The following EPX variants were observed in gnomAD, a reference collection of about 807,000 sequenced individuals.
The protein encoded by EPX is eosinophil peroxidase.
EPX carries 60 observed loss-of-function variants against 73.0 expected under a neutral mutation model. The observed-to-expected ratio is 0.82, with a 90% CI of 0.67 to 1.02. The LOEUF is 1.02. EPX is among the 50% of genes least tolerant of loss of function. The probability of loss-of-function intolerance (pLI) is 0.00; values close to 1 mark genes in which losing one functional copy is unlikely to be tolerated. For missense variants in EPX, 950 were observed against 973.9 expected (o/e 0.98, Z 0.33); for synonymous variants, 347 against 389.2 (o/e 0.89, Z 1.28).
At chr17:58,204,047 A>G (rs547713522) in intron 11 of EPX, among the ~76,000 whole-genome samples, 175 bp from the exon 12 acceptor site, 3 of 150,518 alleles carry the variant, frequency 2.0e-5, no homozygotes, top group African/African-American at 7.3e-5. Context: ...TGTGCACTTA[A>G]TACTGGGCAA....
At chr17:58,203,803 G>A (rs370577083) in intron 11 of EPX, among the ~76,000 whole-genome samples, 1,771 of 149,458 alleles carry the variant, frequency 0.012, 41 homozygotes, top group African/African-American at 0.041. Context: ...GTAGTGGCGG[G>A]CGCCTGTAGT....
intron 10 of EPX, 74 bp from the exon 11 acceptor site, chr17:58,203,007 A>AGGGG (rs1968361323): frequency 4.5e-6 from 5 of 1,106,532 alleles, no homozygotes; most frequent in Non-Finnish European, 6.9e-6. Flanking sequence ...TTCCCCCCAG[A>AGGGG]GGACTGGTGG....
At position 58,193,422 on chromosome 17, in the gene EPX, C is replaced by T; in HGVS notation, c.222C>T (p.Ser74=). 1 of 1,614,162 alleles carries T rather than the reference C, an allele frequency of 6.2e-7. No individual in the cohort carries two copies. The highest frequency in any genetic ancestry group is 8.5e-7 in the Non-Finnish European group (1 of 1,179,986). The stretch of plus-strand genomic sequence containing the variant: ...CAGCCAGCCCCATGGACCTCCTGTC[C>T]TACTTCAAACAACCGGTAGCAGCCA... ...SGSASPMDLL[S]YFKQPVAATR... Residue 74 remains serine (S), a synonymous_variant, in exon 3 of 13, where the codon TCC becomes TCT. Coordinates refer to ENST00000225371, the MANE Select transcript of EPX (RefSeq NM_000502.6).
In EPX at chr17:58,195,175, C is replaced by T; in HGVS notation, c.801+5C>T. On this transcript the variant is annotated splice_donor_5th_base_variant and intron_variant, in intron 6 of 12. Coordinates refer to ENST00000225371, the MANE Select transcript of EPX (RefSeq NM_000502.6). ...CCCCCCTGCTTTCCCATCAAGGTAC[C>T]TACCCTCAGCCAATCTCCCATGCCC... 6.2e-7 allele frequency: 1 copy of T among 1,611,364 alleles called. No homozygotes were observed. The highest frequency in any genetic ancestry group is 8.5e-7 in the Non-Finnish European group (1 of 1,177,926).
At position 58,193,326 on chromosome 17, in the gene EPX, G is replaced by T. The variant is rs1370919966; in HGVS notation, c.171-45G>T. 3 of 1,602,236 alleles carry T rather than the reference G, an allele frequency of 1.9e-6. No individual in the cohort carries two copies. In the South Asian group the frequency reaches 3.3e-5, roughly 18 times the overall value. Reference sequence around the variant, plus strand: ...CCCAGGACTGGGTCTCTGCTGGGTGGGTCTGCACCCTCTCTCCAGCCCTCA... The same window carrying T: ...CCCAGGACTGGGTCTCTGCTGGGTGTGTCTGCACCCTCTCTCCAGCCCTCA... On this transcript the variant is annotated intron_variant, in intron 2 of 12. Transcript: ENST00000225371.
Position 58,200,236 on chromosome 17 carries a change from C to A in EPX, c.1549C>A (p.Pro517Thr). The A allele has an allele frequency of 6.2e-7, 1 of 1,614,138 alleles. No homozygotes were observed. The highest frequency in any genetic ancestry group is 8.5e-7 in the Non-Finnish European group (1 of 1,180,026). Residue 517 changes from proline to threonine, a missense_variant, in exon 10 of 13, where the codon CCC becomes ACC. Pro to Thr is a conservative substitution (Grantham distance 38). Transcript: ENST00000225371. ...WRIVYEGGID[P>T]ILRGLMATPA... The stretch of plus-strand genomic sequence containing the variant: ...TTCCCTGCCACCAGGGGGCATCGAC[C>A]CCATCCTCCGGGGCCTCATGGCCAC...
Position 58,197,067 on chromosome 17 carries a change from C to A in EPX, c.930C>A (p.Asp310Glu), listed in dbSNP as rs150544366. 6.2e-7 allele frequency: 1 copy of A among 1,614,182 alleles called. No individual in the cohort carries two copies. Residue 310 changes from aspartate (D) to glutamate (E), a missense_variant, in exon 7 of 13, where the codon GAC (aspartate) becomes GAA (glutamate). Coordinates refer to ENST00000225371, the MANE Select transcript of EPX (RefSeq NM_000502.6). Reference protein sequence around the residue: ...NQINALTSFVDASMVYGSEVS... With the variant: ...NQINALTSFVEASMVYGSEVS... ...TCAACGCGCTCACCTCCTTTGTGGA[C>A]GCCAGCATGGTGTATGGCAGTGAGG...
intron 7 of EPX, 23 bp downstream of exon 7, chr17:58,197,280 G>A: frequency 1.2e-6 from 2 of 1,607,880 alleles, no homozygotes; most frequent in South Asian, 2.2e-5. Context: ...GGAAGGTGGT[G>A]TCTTCCCAGG....
rs1430094463 is a variant in EPX at position 58,193,714 on chromosome 17, A to G, written c.347A>G (p.Asp116Gly). 1.2e-6 allele frequency: 2 copies of G among 1,609,672 alleles called. No homozygotes were observed. The highest frequency in any genetic ancestry group is 1.7e-5 in the Admixed American group (1 of 60,010). ...GGTCTGCCCATTTGCCTTCCCACAGATGTGCTAACAGAACCACAGCTGCGG... is the reference window on the plus strand; with the variant it reads ...GGTCTGCCCATTTGCCTTCCCACAGGTGTGCTAACAGAACCACAGCTGCGG... ...PQRSGPFNVTDVLTEPQLRLL... is the reference protein window; with the variant it reads ...PQRSGPFNVTGVLTEPQLRLL... Residue 116 changes from aspartate (D) to glycine (G), a missense_variant and splice_region_variant, in exon 4 of 13, where the codon GAT becomes GGT. Asp to Gly is a moderately conservative substitution (Grantham distance 94, BLOSUM62 -1). Transcript: ENST00000225371.
Position 58,204,352 on chromosome 17 carries a change from A to G in EPX, c.2077A>G (p.Ile693Val), listed in dbSNP as rs1287249110. Reference protein sequence around the residue: ...TVSRDIFRANIYPRGFVNCSR... With the variant: ...TVSRDIFRANVYPRGFVNCSR... ...TTCAAGGGACATCTTCAGAGCCAAC[A>G]TCTACCCTCGGGGCTTTGTGAACTG... Residue 693 changes from isoleucine to valine, a missense_variant, in exon 12 of 13, where the codon ATC becomes GTC. Transcript: ENST00000225371. 1 of 1,614,120 alleles carries G rather than the reference A, an allele frequency of 6.2e-7. No homozygotes were observed. Among genetic ancestry groups the G allele is most frequent in the Non-Finnish European group, 8.5e-7 (1 of 1,179,988 alleles).
intron 5 of EPX, among the ~76,000 whole-genome samples, chr17:58,194,401 T>C (rs924867471): frequency 6.6e-6 from 1 of 152,218 alleles, no homozygotes; most frequent in Non-Finnish European, 1.5e-5. Context: ...GTCAAAGTCT[T>C]GCTAAATATA....
chr17:58,196,564 G>A (rs1247228961), intron 6 of EPX, among the ~76,000 whole-genome samples: 1 of 152,052 alleles, frequency 6.6e-6, no homozygotes, highest in Admixed American at 6.5e-5. Flanking sequence ...GCAAGAAAGG[G>A]GCTTAGAAAA....
At chr17:58,199,830 G>A in intron 9 of EPX, 36 bp downstream of exon 9, 1 of 1,605,366 alleles carries the variant, frequency 6.2e-7, no homozygotes, top group Non-Finnish European at 8.5e-7. Context: ...TGGGGGTGAG[G>A]GTGGGGAGCA....
chr17:58,204,269 C>T lies in EPX; in HGVS notation c.1994C>T (p.Ala665Val), dbSNP rs201620749. Residue 665 changes from alanine (A) to valine (V), a missense_variant, in exon 12 of 13, where the codon GCC (alanine) becomes GTC (valine). Coordinates refer to ENST00000225371, the MANE Select transcript of EPX (RefSeq NM_000502.6). ...RGVFTKRQRKALSRISLSRII... is the reference protein window; with the variant it reads ...RGVFTKRQRKVLSRISLSRII... ...GTTTTCACCAAAAGACAGCGCAAGG[C>T]CCTGAGCAGAATTTCCTTGTCTCGA... 14 of 1,614,012 alleles carry T rather than the reference C, an allele frequency of 8.7e-6. No individual in the cohort carries two copies. The East Asian group carries it at 3.1e-4, about 36-fold the overall frequency.
chr17:58,200,386 G>T lies in EPX; in HGVS notation c.1699G>T (p.Gly567Cys), dbSNP rs746292596. The change falls in exon 10 of 13, where the codon GGC becomes TGC. Residue 567 changes from glycine (G) to cysteine (C), a missense_variant. Gly to Cys is a radical substitution (Grantham distance 159). Coordinates refer to ENST00000225371, the MANE Select transcript of EPX (RefSeq NM_000502.6). ...ALNMQRSRDH[G>C]LPGYNAWRRF... Reference sequence around the variant, plus strand: ...CAACATGCAACGAAGCCGGGACCACGGCCTTCCAGGTGAGGGGGCTGTCCA... The same window carrying T: ...CAACATGCAACGAAGCCGGGACCACTGCCTTCCAGGTGAGGGGGCTGTCCA... The T allele has an allele frequency of 5.6e-6, 9 of 1,614,148 alleles. No individual in the cohort carries two copies. The Admixed American group carries it at 1.5e-4, about 27-fold the overall frequency.
At chr17:58,203,016 G>A (rs1034593398) in intron 10 of EPX, 65 bp from the exon 11 acceptor site, 1 of 1,223,982 alleles carries the variant, frequency 8.2e-7, no homozygotes, top group Admixed American at 1.7e-5. Flanking sequence ...GAGGACTGGT[G>A]GAGAAAAACA....
Position 58,200,233 on chromosome 17 carries a change from G to T in EPX, c.1546G>T (p.Asp516Tyr), listed in dbSNP as rs768856754. 42 of 1,614,060 alleles carry T rather than the reference G, an allele frequency of 2.6e-5. No homozygotes were observed. The East Asian group carries it at 9.4e-4, about 36-fold the overall frequency. The change falls in exon 10 of 13, where the codon GAC becomes TAC. Residue 516 changes from aspartate to tyrosine, a missense_variant. Physicochemically the swap from Asp to Tyr is radical, Grantham distance 160 (BLOSUM62 -3). Coordinates refer to ENST00000225371, the MANE Select transcript of EPX (RefSeq NM_000502.6). ...SWRIVYEGGI[D>Y]PILRGLMATP... is the part of the protein sequence containing the mutation. ...ACATTCCCTGCCACCAGGGGGCATC[G>T]ACCCCATCCTCCGGGGCCTCATGGC...
At chr17:58,194,176 G>T in intron 5 of EPX, 84 bp downstream of exon 5, 1 of 1,434,560 alleles carries the variant, frequency 7.0e-7, no homozygotes, top group Non-Finnish European at 9.7e-7. Flanking sequence ...CGCAGGCAGG[G>T]CTTGAACCCA....
Position 58,193,140 on chromosome 17 carries a change from G to C in EPX, c.170+9G>C. On this transcript the variant is annotated intron_variant, in intron 2 of 12. Coordinates refer to ENST00000225371, the MANE Select transcript of EPX (RefSeq NM_000502.6). ...AATTGGACCCAGAAGAGGTGGACTTGGGTCTGGGGGCTGCATGGGCCTGGG... is the reference window on the plus strand; with the variant it reads ...AATTGGACCCAGAAGAGGTGGACTTCGGTCTGGGGGCTGCATGGGCCTGGG... The C allele has an allele frequency of 6.3e-7, 1 of 1,589,000 alleles. No individual in the cohort carries two copies. The highest frequency in any genetic ancestry group is 8.6e-7 in the Non-Finnish European group (1 of 1,157,060).
Sources: gnomAD v4.1 joint callset for allele counts (sites outside exome capture counted in the v4.1 genomes callset) on GRCh38, gnomAD v4.1.1 for gene constraint, MANE v1.5 for transcripts, NCBI Gene and HGNC (gene_info 2026-07-23, HGNC 2026-07-21) for gene names.